Variants in NRG2 observed in about 807,000 individuals in gnomAD.
The protein encoded by NRG2 is pro-neuregulin-2, membrane-bound isoform.
Under a neutral mutation model 73.9 loss-of-function variants are expected in NRG2, and 27 were observed. The ratio of observed to expected loss-of-function variants is 0.37; its 90% CI spans 0.27 to 0.50. NRG2 has a LOEUF of 0.50. NRG2 is among the 20% of genes least tolerant of loss of function. The pLI, the probability that NRG2 is intolerant of heterozygous loss-of-function variation, is 0.96. For missense variants in NRG2, 1,126 were observed against 1,210.1 expected, an observed-to-expected ratio of 0.93 and a Z score of 1.03; for synonymous variants, 532 against 541.0, an observed-to-expected ratio of 0.98 and a Z score of 0.23.
intron 1 of NRG2, among the ~76,000 whole-genome samples, chr5:140,002,641 C>T (rs1758577931): frequency 6.6e-6 from 1 of 152,214 alleles, no homozygotes; most frequent in Admixed American, 6.5e-5. Flanking sequence ...CAGACCAAAA[C>T]ATGCAAGTGA....
intron 1 of NRG2, among the ~76,000 whole-genome samples, chr5:139,927,539 G>A (rs151311683): frequency 9.9e-4 from 151 of 152,098 alleles, no homozygotes; most frequent in African/African-American, 3.4e-3. Context: ...TGAGGTGGGC[G>A]GATCACCTGA....
chr5:139,884,250 G>A (rs972554133), intron 2 of NRG2, among the ~76,000 whole-genome samples: 1 of 152,208 alleles, frequency 6.6e-6, no homozygotes, highest in East Asian at 1.9e-4. Flanking sequence ...GAGACAATGA[G>A]AGCTGCCTAG....
chr5:140,010,893 A>G (rs1759311792), intron 1 of NRG2, among the ~76,000 whole-genome samples: 2 of 152,252 alleles, frequency 1.3e-5, no homozygotes, highest in South Asian at 2.1e-4. Context: ...TTGTTTAAAC[A>G]TTCTTTGAAT....
At chr5:139,999,758 G>T (rs1403373485) in intron 1 of NRG2, among the ~76,000 whole-genome samples, 1 of 152,176 alleles carries the variant, frequency 6.6e-6, no homozygotes, top group African/African-American at 2.4e-5. Flanking sequence ...AATCCAAGGA[G>T]AATGACAGGA....
At chr5:139,965,972 C>T (rs571798322) in intron 1 of NRG2, among the ~76,000 whole-genome samples, 2 of 152,178 alleles carry the variant, frequency 1.3e-5, no homozygotes, top group African/African-American at 2.4e-5. Context: ...TTCACAATTT[C>T]TAATTTTTTT....
chr5:139,965,656 G>A (rs1162352764), intron 1 of NRG2, among the ~76,000 whole-genome samples: 1 of 152,234 alleles, frequency 6.6e-6, no homozygotes, highest in Non-Finnish European at 1.5e-5. Context: ...GCCTTCCTAT[G>A]AGCAGCAAAG....
At chr5:139,866,834 G>T (rs995010651) in intron 4 of NRG2, among the ~76,000 whole-genome samples, 3 of 152,186 alleles carry the variant, frequency 2.0e-5, no homozygotes. Context: ...ATTTCTTGCA[G>T]AAGTCTTGCA....
At chr5:139,867,349 G>A (rs1165959491) in intron 4 of NRG2, among the ~76,000 whole-genome samples, 1 of 152,088 alleles carries the variant, frequency 6.6e-6, no homozygotes, top group Non-Finnish European at 1.5e-5. Context: ...GGGGGGTGGT[G>A]GAGGGCTGGG....
At chr5:139,848,749 G>T in intron 9 of NRG2, 52 bp from the exon 10 acceptor site, 1 of 1,101,168 alleles carries the variant, frequency 9.1e-7, no homozygotes, top group Non-Finnish European at 1.2e-6. Flanking sequence ...CCGGCGCGGG[G>T]GAGGGGGGGT....
At chr5:139,884,054 G>A (rs1763712970) in intron 2 of NRG2, among the ~76,000 whole-genome samples, 1 of 152,202 alleles carries the variant, frequency 6.6e-6, no homozygotes, top group African/African-American at 2.4e-5. Flanking sequence ...CTACACCCAG[G>A]AGAGGAGGGC....
intron 1 of NRG2, among the ~76,000 whole-genome samples, chr5:139,959,722 A>G (rs1754919045): frequency 6.6e-6 from 1 of 151,858 alleles, no homozygotes. Flanking sequence ...CACATTGGCC[A>G]GGCTGGTCTC....
chr5:140,041,353 A>G (rs1288957127), intron 1 of NRG2, among the ~76,000 whole-genome samples: 2 of 152,226 alleles, frequency 1.3e-5, no homozygotes, highest in Non-Finnish European at 2.9e-5. Flanking sequence ...AGTGTGGGAC[A>G]ATTTGATTTG....
chr5:140,032,927 G>A (rs1761258678), intron 1 of NRG2, among the ~76,000 whole-genome samples: 1 of 152,144 alleles, frequency 6.6e-6, no homozygotes, highest in Non-Finnish European at 1.5e-5. Flanking sequence ...GATAGTGATA[G>A]CACTTAATAT....
At chr5:140,033,489 T>C (rs1761296810) in intron 1 of NRG2, among the ~76,000 whole-genome samples, 2 of 152,132 alleles carry the variant, frequency 1.3e-5, no homozygotes, top group Admixed American at 1.3e-4. Flanking sequence ...TCTCGAAAAA[T>C]TGACCAGCAC....
At chr5:139,930,763 TGGGTG>T (rs1181353613) in intron 1 of NRG2, among the ~76,000 whole-genome samples, 1 of 152,194 alleles carries the variant, frequency 6.6e-6, no homozygotes, top group Non-Finnish European at 1.5e-5. Flanking sequence ...CAGCAGCCCA[TGGGTG>T]GATCCTGATG....
chr5:139,918,176 T>C (rs1274116328), intron 1 of NRG2, among the ~76,000 whole-genome samples: 2 of 152,170 alleles, frequency 1.3e-5, no homozygotes, highest in African/African-American at 4.8e-5. Context: ...TAGTAATTCT[T>C]ATGTGGATGG....
At chr5:139,962,994 G>A (rs1755196133) in intron 1 of NRG2, among the ~76,000 whole-genome samples, 1 of 152,206 alleles carries the variant, frequency 6.6e-6, no homozygotes, top group Non-Finnish European at 1.5e-5. Flanking sequence ...TTTCAAGATT[G>A]ACCTTCTCCA....
At chr5:139,940,747 A>G (rs1753331796) in intron 1 of NRG2, among the ~76,000 whole-genome samples, 1 of 152,202 alleles carries the variant, frequency 6.6e-6, no homozygotes, top group African/African-American at 2.4e-5. Context: ...TAACAGTGGT[A>G]GCCTCTAGGA....
rs966824616 is a variant in NRG2 at position 139,847,646 on chromosome 5, C to CTT, written c.*269_*270dup. ...AGAGTCAAAAAATTGGCCCATCTCT[C>CTT]TTTTTTTTTTGTTGTTTCTTTTTTT... is the stretch of plus-strand genomic sequence containing the variant. On this transcript the variant is annotated 3_prime_UTR_variant, in exon 10 of 10. Coordinates refer to ENST00000361474, the MANE Select transcript of NRG2 (RefSeq NM_004883.3). The CTT allele has an allele frequency of 1.1e-3, 306 of 275,326 alleles. 1 individual carries two copies. The highest frequency in any genetic ancestry group is 6.6e-3 in the African/African-American group (287 of 43,604). The allele number at this position is 275,326 out of a possible 1,614,324, so 17.1% of individuals were successfully genotyped here.
Sources: gnomAD v4.1 joint callset for allele counts (sites outside exome capture counted in the v4.1 genomes callset) on GRCh38, gnomAD v4.1.1 for gene constraint, MANE v1.5 for transcripts, NCBI Gene and HGNC (gene_info 2026-07-23, HGNC 2026-07-21) for gene names.